SPATA19: variants seen among roughly 807,000 people sequenced by gnomAD.
SPATA19 encodes spermatogenesis-associated protein 19, mitochondrial.
SPATA19 carries 19 observed loss-of-function variants against 25.0 expected under a neutral mutation model. That is an observed-to-expected ratio of 0.76 (90% CI 0.53 to 1.11). The LOEUF is 1.11. Ranked by LOEUF, SPATA19 falls within the 50% of genes most tolerant of loss-of-function variation. The probability of loss-of-function intolerance (pLI) is 0.00; values close to 1 mark genes in which losing one functional copy is unlikely to be tolerated. For synonymous variants in SPATA19, 64 were observed against 69.3 expected (o/e 0.92, Z 0.38); for missense variants, 222 against 211.4 (o/e 1.05, Z -0.31).
intron 5 of SPATA19, 120 bp downstream of exon 5, chr11:133,842,365 G>T: frequency 1.2e-6 from 1 of 837,724 alleles, no homozygotes; most frequent in Non-Finnish European, 2.1e-6. Flanking sequence ...GTGTGTCTCT[G>T]CTCTTGATGT....
At chr11:133,841,858 G>A (rs536016893) in intron 6 of SPATA19, among the ~76,000 whole-genome samples, 172 bp downstream of exon 6, 3 of 152,312 alleles carry the variant, frequency 2.0e-5, no homozygotes, top group African/African-American at 7.2e-5. Flanking sequence ...GAGAGGCGTT[G>A]CGGGAGCCTA....
At chr11:133,845,246 C>CA in intron 1 of SPATA19, 56 bp from the exon 2 acceptor site, 1 of 1,543,688 alleles carries the variant, frequency 6.5e-7, no homozygotes, top group Non-Finnish European at 8.9e-7. Context: ...CAGCTCTTCC[C>CA]ACCCAGCCCC....
At chr11:133,837,435 G>A (rs1361068916), downstream of SPATA19, among the ~76,000 whole-genome samples, 1 of 152,216 alleles carries the variant, frequency 6.6e-6, no homozygotes, top group Non-Finnish European at 1.5e-5. Flanking sequence ...CCCAGTCATT[G>A]GGGGGATCCC....
Position 133,844,334 on chromosome 11 carries a change from T to C in SPATA19, c.271A>G (p.Lys91Glu), listed in dbSNP as rs770337913. ...AAATCAGACTTAGAGAGGTGGTGCT[T>C]CACCTGGGAAATCCAGAGGGTCCAT... Reference protein sequence around the residue: ...QDIHVTRDVVKHHLSKSDLLA... With the variant: ...QDIHVTRDVVEHHLSKSDLLA... The change falls in exon 4 of 7, where the codon AAG (lysine) becomes GAG (glutamate). Residue 91 changes from lysine (K) to glutamate (E), a missense_variant. Physicochemically the swap from Lys to Glu is moderately conservative, Grantham distance 56 (BLOSUM62 1). Coordinates refer to ENST00000299140, the MANE Select transcript of SPATA19 (RefSeq NM_174927.3). The C allele has an allele frequency of 5.0e-6, 8 of 1,614,106 alleles. No individual in the cohort carries two copies. Among genetic ancestry groups the C allele is most frequent in the Non-Finnish European group, 6.8e-6 (8 of 1,179,978 alleles).
chr11:133,845,105 A>G (rs933114336), intron 2 of SPATA19, 29 bp downstream of exon 2: 1 of 1,601,766 alleles, frequency 6.2e-7, no homozygotes, highest in African/African-American at 1.3e-5. Flanking sequence ...CATTTTGGAT[A>G]TCCTGAGTCA....
In SPATA19 at chr11:133,842,076, TGAGCTGA is replaced by T; in HGVS notation, c.460_466del (p.Ser154ArgfsTer5). ...GGAGGAGGGTCTCATACTGAAGTCC[TGAGCTGA>T]GACATCTGTAAGACGGGATATGCTG... On this transcript the variant is annotated frameshift_variant, in exon 6 of 7. Coordinates refer to ENST00000299140, the MANE Select transcript of SPATA19 (RefSeq NM_174927.3). LOFTEE classifies it high-confidence loss of function. 1.2e-6 allele frequency: 2 copies of T among 1,614,128 alleles called. No individual in the cohort carries two copies. Among genetic ancestry groups the T allele is most frequent in the Non-Finnish European group, 1.7e-6 (2 of 1,180,022 alleles).
chr11:133,837,340 C>T (rs1384571666), downstream of SPATA19, among the ~76,000 whole-genome samples: 1 of 152,158 alleles, frequency 6.6e-6, no homozygotes, highest in Non-Finnish European at 1.5e-5. Context: ...CAGTGCTGGG[C>T]AGGAAAACCT....
In SPATA19 at chr11:133,842,012, A is replaced by G; in HGVS notation, c.*9+18T>C. 1 of 1,611,444 alleles carries G rather than the reference A, an allele frequency of 6.2e-7. No homozygotes were observed. The highest frequency in any genetic ancestry group is 8.5e-7 in the Non-Finnish European group (1 of 1,177,734). Reference sequence around the variant, plus strand: ...AACCATCTTCTCTGCCCAGTTCCTCATCCGTCAGCTCTCTCACCTGTTGCT... The same window carrying G: ...AACCATCTTCTCTGCCCAGTTCCTCGTCCGTCAGCTCTCTCACCTGTTGCT... On this transcript the variant is annotated intron_variant, in intron 6 of 6. Transcript: ENST00000299140.
At chr11:133,839,058 T>C (rs1938256110), downstream of SPATA19, among the ~76,000 whole-genome samples, 2 of 152,172 alleles carry the variant, frequency 1.3e-5, no homozygotes, top group South Asian at 2.1e-4. Flanking sequence ...TGTGGAGAAA[T>C]AGGAACACTT....
intron 4 of SPATA19, 73 bp from the exon 5 acceptor site, chr11:133,842,635 A>G: frequency 8.6e-7 from 1 of 1,158,076 alleles, no homozygotes; most frequent in Non-Finnish European, 1.3e-6. Context: ...GAGCTGCTAG[A>G]GATGGGATCC....
At chr11:133,843,924 T>C (rs1281667548) in intron 4 of SPATA19, among the ~76,000 whole-genome samples, 1 of 152,252 alleles carries the variant, frequency 6.6e-6, no homozygotes, top group Admixed American at 6.5e-5. Flanking sequence ...TTTTAAGAGC[T>C]TATTTTCTTT....
downstream of SPATA19, among the ~76,000 whole-genome samples, chr11:133,838,812 G>A (rs10791325): frequency 0.34 from 52,135 of 152,004 alleles, 9,738 homozygotes; most frequent in East Asian, 0.6. Flanking sequence ...ACAGTCTACA[G>A]TGAACTTAAA....
rs1938370027 is a variant in SPATA19 at position 133,844,243 on chromosome 11, T to C, written c.359+3A>G. On this transcript the variant is annotated splice_donor_region_variant and intron_variant, in intron 4 of 6. Coordinates refer to ENST00000299140, the MANE Select transcript of SPATA19 (RefSeq NM_174927.3). ...TTCGCCCAGGGCAAGTGGGACACCT[T>C]ACCTCCATCTTATGAACTGGATTCG... 3 of 1,613,840 alleles carry C rather than the reference T, an allele frequency of 1.9e-6. No individual in the cohort carries two copies. The highest frequency in any genetic ancestry group is 1.1e-5 in the South Asian group (1 of 91,068).
At chr11:133,842,224 C>T (rs2121180381) in intron 5 of SPATA19, 119 bp from the exon 6 acceptor site, 2 of 1,011,704 alleles carry the variant, frequency 2.0e-6, no homozygotes, top group East Asian at 2.4e-5. Context: ...CGTGGCCACA[C>T]TGGGCCTGGG....
In SPATA19 at chr11:133,844,522, A is replaced by T. The variant is rs1399513777; in HGVS notation, c.254T>A (p.Val85Glu). ...SPPTHGQDIH[V>E]TRDVVKHHLS... ...ACTCTCATTTACCACATCTCTGGTC[A>T]CGTGGATGTCCTGGCCATGGGTGGG... Residue 85 changes from valine to glutamate, a missense_variant, in exon 3 of 7, where the codon GTG becomes GAG. By Grantham distance (121) the Val-to-Glu change is moderately radical (BLOSUM62 -2). Coordinates refer to ENST00000299140, the MANE Select transcript of SPATA19 (RefSeq NM_174927.3). 3.7e-6 allele frequency: 6 copies of T among 1,614,046 alleles called. No individual in the cohort carries two copies. The highest frequency in any genetic ancestry group is 1.3e-5 in the African/African-American group (1 of 74,914).
rs528488357 is a variant in SPATA19 at position 133,842,871 on chromosome 11, A to G, written c.360-309T>C. On this transcript the variant is annotated intron_variant, in intron 4 of 6. Transcript: ENST00000299140. The stretch of plus-strand genomic sequence containing the variant: ...GTGAGCCGTGGAATTCACCCTTCTG[A>G]ATTCAGTCTTCTGAATTCCTCTCCT... Among the ~76,000 whole-genome samples the G allele has an allele frequency of 1.8e-4, 27 of 152,122 alleles. No homozygotes were observed. The South Asian group carries it at 5.4e-3, about 31-fold the overall frequency.
At chr11:133,844,149 G>A (rs1044225197) in intron 4 of SPATA19, 97 bp downstream of exon 4, 21 of 993,442 alleles carry the variant, frequency 2.1e-5, no homozygotes, top group Middle Eastern at 2.4e-4. Context: ...AGCCAAAGAC[G>A]ACATCTCTAG....
In SPATA19 at chr11:133,844,211, C is replaced by A. The variant is rs552498466; in HGVS notation, c.359+35G>T. On this transcript the variant is annotated intron_variant, in intron 4 of 6. Coordinates refer to ENST00000299140, the MANE Select transcript of SPATA19 (RefSeq NM_174927.3). ...AGAGGGGCTTGCGCATCTCTCCCTC[C>A]CCTTCCTTCGCCCAGGGCAAGTGGG... 5.7e-6 allele frequency: 9 copies of A among 1,569,846 alleles called. No homozygotes were observed. The South Asian group carries it at 1.0e-4, about 17-fold the overall frequency.
At chr11:133,842,934 A>G (rs1385217239) in intron 4 of SPATA19, among the ~76,000 whole-genome samples, 1 of 151,902 alleles carries the variant, frequency 6.6e-6, no homozygotes, top group African/African-American at 2.4e-5. Flanking sequence ...CCCCACACCC[A>G]CTGTGGTTCA....
Sources: allele counts gnomAD v4.1 joint callset (sites outside exome capture counted in the v4.1 genomes callset), GRCh38; gene constraint gnomAD v4.1.1; transcripts MANE v1.5; gene names NCBI Gene and HGNC (gene_info 2026-07-23, HGNC 2026-07-21).